The following SRGAP2 variants were observed in gnomAD, a reference collection of about 807,000 sequenced individuals.
SRGAP2 encodes SLIT-ROBO Rho GTPase activating protein 2.
SRGAP2 carries 15 observed loss-of-function variants against 57.2 expected under a neutral mutation model. The observed-to-expected ratio is 0.26, with a 90% CI of 0.18 to 0.40. The LOEUF is 0.40. SRGAP2 is among the 10% of genes least tolerant of loss of function. SRGAP2 has a pLI of 1.00. For synonymous variants in SRGAP2, 249 were observed against 248.0 expected, an observed-to-expected ratio of 1.00 and a Z score of -0.04; for missense variants, 520 against 669.6, an observed-to-expected ratio of 0.78 and a Z score of 2.47.
intron 2 of SRGAP2, among the ~76,000 whole-genome samples, chr1:206,254,262 G>A (rs1473263285): frequency 3.2e-5 from 4 of 123,170 alleles, no homozygotes; most frequent in African/African-American, 1.1e-4. Flanking sequence ...CCCAACACCC[G>A]GATTAAACAG....
At chr1:206,422,139 G>T (rs1405552261) in intron 13 of SRGAP2, among the ~76,000 whole-genome samples, 1 of 152,128 alleles carries the variant, frequency 6.6e-6, no homozygotes, top group Non-Finnish European at 1.5e-5. Flanking sequence ...ATCATTTTGG[G>T]TAATTCTCAG....
intron 13 of SRGAP2, among the ~76,000 whole-genome samples, chr1:206,421,691 T>G (rs1244527073): frequency 1.3e-5 from 2 of 152,216 alleles, no homozygotes; most frequent in Non-Finnish European, 2.9e-5. Flanking sequence ...TTTGATTGTT[T>G]CCGGTGGCGT....
chr1:206,208,598 A>G (rs1253419109), intron 2 of SRGAP2, among the ~76,000 whole-genome samples: 2 of 152,216 alleles, frequency 1.3e-5, no homozygotes, highest in East Asian at 1.9e-4. Context: ...TGGAGCTTAT[A>G]TTCTGGAAGC....
intron 3 of SRGAP2, among the ~76,000 whole-genome samples, chr1:206,322,579 CAA>C (rs781892410): frequency 1.9e-5 from 1 of 53,492 alleles, no homozygotes. Flanking sequence ...GACTCCATAT[CAA>C]AAAAAAAAAA....
At chr1:206,255,888 T>C (rs1199399682) in intron 2 of SRGAP2, among the ~76,000 whole-genome samples, 1 of 150,904 alleles carries the variant, frequency 6.6e-6, no homozygotes, top group Non-Finnish European at 1.5e-5. Flanking sequence ...GGAGCTGGGC[T>C]CAAGCGAATT....
At chr1:206,421,650 A>G (rs76274083) in intron 13 of SRGAP2, among the ~76,000 whole-genome samples, 1,901 of 152,348 alleles carry the variant, frequency 0.012, 54 homozygotes, top group African/African-American at 0.043. Flanking sequence ...TAGCTAGACC[A>G]GACAATCTCG....
intron 21 of SRGAP2, among the ~76,000 whole-genome samples, chr1:206,458,042 T>C (rs1260301450): frequency 2.6e-5 from 4 of 152,300 alleles, no homozygotes; most frequent in African/African-American, 7.2e-5. Context: ...TAGAGGTATT[T>C]CCACACTAAG....
At chr1:206,354,702 G>C (rs1195669688) in intron 4 of SRGAP2, among the ~76,000 whole-genome samples, 1 of 151,938 alleles carries the variant, frequency 6.6e-6, no homozygotes, top group Non-Finnish European at 1.5e-5. Flanking sequence ...CACAAGCCAG[G>C]CTTTAAGAAT....
chr1:206,263,489 C>G (rs1209165748), intron 2 of SRGAP2, among the ~76,000 whole-genome samples: 8 of 152,066 alleles, frequency 5.3e-5, no homozygotes, highest in Admixed American at 6.5e-5. Context: ...GAACCTCTGT[C>G]AATCTGAGCT....
intron 18 of SRGAP2, among the ~76,000 whole-genome samples, chr1:206,446,591 A>G (rs548934942): frequency 2.0e-5 from 3 of 152,346 alleles, no homozygotes; most frequent in South Asian, 2.1e-4. Context: ...GACTTTTTAT[A>G]AAGTTGCATC....
intron 2 of SRGAP2, among the ~76,000 whole-genome samples, chr1:206,226,530 C>T (rs1376016634): frequency 2.0e-5 from 3 of 152,184 alleles, no homozygotes; most frequent in African/African-American, 4.8e-5. Context: ...AAGTCTCTAA[C>T]CTCTCCTGGC....
At chr1:206,366,591 A>G (rs1654036162) in intron 4 of SRGAP2, among the ~76,000 whole-genome samples, 1 of 152,010 alleles carries the variant, frequency 6.6e-6, no homozygotes, top group African/African-American at 2.4e-5. Context: ...TTTTGCGATA[A>G]CTACAGCAAG....
At chr1:206,443,450 C>T (rs1485572680) in intron 17 of SRGAP2, among the ~76,000 whole-genome samples, 1 of 152,214 alleles carries the variant, frequency 6.6e-6, no homozygotes, top group African/African-American at 2.4e-5. Flanking sequence ...TCTCTGCTTA[C>T]GGCAACCTCT....
At chr1:206,276,965 CT>C (rs1297790363) in intron 2 of SRGAP2, among the ~76,000 whole-genome samples, 146 of 140,420 alleles carry the variant, frequency 1.0e-3, no homozygotes, top group Admixed American at 1.3e-3. Flanking sequence ...ATCTATCACT[CT>C]TTTTTTTTTT....
chr1:206,448,723 G>A (rs1662980333), intron 18 of SRGAP2, among the ~76,000 whole-genome samples: 1 of 152,140 alleles, frequency 6.6e-6, no homozygotes, highest in South Asian at 2.1e-4. Context: ...AGCCCTGAGG[G>A]AAAGTTTGCC....
In SRGAP2 at chr1:206,392,847, TGAG is replaced by T; in HGVS notation, c.649_651del (p.Glu217del). 1.4e-6 allele frequency: 1 copy of T among 711,668 alleles called. No individual in the cohort carries two copies. The highest frequency in any genetic ancestry group is 2.6e-6 in the Non-Finnish European group (1 of 383,448). 44.1% of individuals were successfully genotyped at this position (711,668 alleles called of 1,614,324 possible). On this transcript the variant is annotated inframe_deletion, in exon 6 of 23. Coordinates refer to ENST00000573034, the MANE Select transcript of SRGAP2 (RefSeq NM_015326.5). ...CTGACTCCACGGCCAACGTTCGCAT[TGAG>T]GAGAAACATGTCCGGAGGAGCTCAG...
chr1:206,427,150 G>A (rs1482761001), intron 13 of SRGAP2, among the ~76,000 whole-genome samples: 1 of 152,056 alleles, frequency 6.6e-6, no homozygotes, highest in Non-Finnish European at 1.5e-5. Flanking sequence ...TCTATATGGT[G>A]AGAGATAGGA....
At chr1:206,386,567 G>A (rs1656278154) in intron 5 of SRGAP2, among the ~76,000 whole-genome samples, 2 of 133,966 alleles carry the variant, frequency 1.5e-5, no homozygotes, top group Admixed American at 7.6e-5. Flanking sequence ...GGAGGCTGAG[G>A]CAGGCAGATC....
At chr1:206,326,732 A>G (rs1330671488) in intron 3 of SRGAP2, among the ~76,000 whole-genome samples, 10 of 152,294 alleles carry the variant, frequency 6.6e-5, no homozygotes, top group African/African-American at 2.4e-4. Context: ...CTGAAATTCC[A>G]TGATTCTATT....
Sources: allele counts gnomAD v4.1 joint callset (sites outside exome capture counted in the v4.1 genomes callset), GRCh38; gene constraint gnomAD v4.1.1; transcripts MANE v1.5; gene names NCBI Gene and HGNC (gene_info 2026-07-23, HGNC 2026-07-21).